Variants in OSMR observed in about 807,000 individuals in gnomAD.
The protein encoded by OSMR is oncostatin M receptor, also known as oncostatin-M-specific receptor subunit beta.
OSMR carries 81 observed loss-of-function variants against 99.9 expected under a neutral mutation model. That is an observed-to-expected ratio of 0.81 (90% confidence interval 0.68 to 0.97). OSMR has a LOEUF of 0.97. OSMR is among the 50% of genes least tolerant of loss of function. The pLI is 0.00. For missense variants in OSMR, 1,099 were observed against 1,153.4 expected, an observed-to-expected ratio of 0.95 and a Z score of 0.68; for synonymous variants, 406 against 410.4, an observed-to-expected ratio of 0.99 and a Z score of 0.13.
chr5:38,917,993 A>G (rs183091837), intron 10 of OSMR, among the ~76,000 whole-genome samples: 38 of 152,326 alleles, frequency 2.5e-4, no homozygotes, highest in African/African-American at 9.1e-4. Flanking sequence ...AAATTGTAAT[A>G]TAAAATAAAT....
At chr5:38,861,573 C>G (rs1741316529) in intron 1 of OSMR, among the ~76,000 whole-genome samples, 1 of 152,250 alleles carries the variant, frequency 6.6e-6, no homozygotes, top group Non-Finnish European at 1.5e-5. Flanking sequence ...CCACCTTTCC[C>G]CCCTCTCTAT....
intron 3 of OSMR, among the ~76,000 whole-genome samples, chr5:38,876,705 C>G (rs987622798): frequency 6.6e-6 from 1 of 152,196 alleles, no homozygotes; most frequent in Non-Finnish European, 1.5e-5. Context: ...CTACCTCTTT[C>G]TTCTCCGTCC....
intron 1 of OSMR, among the ~76,000 whole-genome samples, chr5:38,867,085 G>A (rs374730677): frequency 1.3e-5 from 2 of 151,914 alleles, no homozygotes; most frequent in Admixed American, 6.6e-5. Context: ...TGAGTGCCCC[G>A]TCCCTCTAGC....
chr5:38,902,372 C>G (rs1217627998), intron 7 of OSMR, among the ~76,000 whole-genome samples: 2 of 152,202 alleles, frequency 1.3e-5, no homozygotes, highest in African/African-American at 4.8e-5. Context: ...TGATAGGAAC[C>G]ATGGTCTCTG....
At chr5:38,878,966 C>T (rs999196218) in intron 3 of OSMR, among the ~76,000 whole-genome samples, 1 of 152,096 alleles carries the variant, frequency 6.6e-6, no homozygotes, top group Non-Finnish European at 1.5e-5. Flanking sequence ...AGGCATTGTG[C>T]GCAGTGTGGG....
intron 1 of OSMR, among the ~76,000 whole-genome samples, chr5:38,868,720 T>G (rs907440704): frequency 2.6e-5 from 4 of 152,306 alleles, no homozygotes; most frequent in South Asian, 4.1e-4. Context: ...ACTAATATAG[T>G]AGGGTAGCCC....
At chr5:38,927,492 T>G (rs890178488) in intron 15 of OSMR, among the ~76,000 whole-genome samples, 1 of 152,222 alleles carries the variant, frequency 6.6e-6, no homozygotes, top group Non-Finnish European at 1.5e-5. Flanking sequence ...CTGCCAAGGC[T>G]TGGGGCTTGC....
chr5:38,852,932 C>T (rs948433813), intron 1 of OSMR, among the ~76,000 whole-genome samples: 2 of 151,652 alleles, frequency 1.3e-5, no homozygotes, highest in Non-Finnish European at 1.5e-5. Flanking sequence ...GGGGTTTCAC[C>T]GTGTTAGCCA....
chr5:38,848,953 T>C (rs1188539206), intron 1 of OSMR, among the ~76,000 whole-genome samples: 1 of 152,038 alleles, frequency 6.6e-6, no homozygotes, highest in Non-Finnish European at 1.5e-5. Context: ...TTTTTTTGTA[T>C]TTTTTGTAAA....
chr5:38,863,719 T>C (rs112958630), intron 1 of OSMR, among the ~76,000 whole-genome samples: 4 of 152,334 alleles, frequency 2.6e-5, no homozygotes, highest in African/African-American at 9.6e-5. Flanking sequence ...TTGTTAATTT[T>C]CTGTCTAGAT....
At chr5:38,849,951 A>T (rs1344883684) in intron 1 of OSMR, among the ~76,000 whole-genome samples, 1 of 152,218 alleles carries the variant, frequency 6.6e-6, no homozygotes, top group Non-Finnish European at 1.5e-5. Context: ...TTAGTATCTT[A>T]TACATGCTAG....
At chr5:38,929,217 G>T (rs187637194) in intron 15 of OSMR, among the ~76,000 whole-genome samples, 1 of 152,222 alleles carries the variant, frequency 6.6e-6, no homozygotes. Flanking sequence ...GCAAAAAACA[G>T]AAATGCAAAA....
At chr5:38,911,795 G>T (rs1386346746) in intron 9 of OSMR, among the ~76,000 whole-genome samples, 1 of 152,084 alleles carries the variant, frequency 6.6e-6, no homozygotes, top group Non-Finnish European at 1.5e-5. Flanking sequence ...CACATAAACC[G>T]AACTAAAAAC....
chr5:38,932,442 C>A (rs1263918311), intron 16 of OSMR, 21 bp from the exon 17 acceptor site: 1 of 1,598,874 alleles, frequency 6.3e-7, no homozygotes, highest in Admixed American at 1.7e-5. Flanking sequence ...AATTCAGTCT[C>A]ATTTTCGCTT....
In OSMR at chr5:38,924,435, C is replaced by T. The variant is rs747890598; in HGVS notation, c.1884C>T (p.Asn628=). The stretch of plus-strand genomic sequence containing the variant: ...TTCTTTTCCTAGCTCCTTCAGACAA[C>T]CCTCACGTGCTGGTGGATACATTGA... ...GYSQELAPSD[N]PHVLVDTLTS... is the part of the protein sequence containing the mutation. The change falls in exon 14 of 18, where the codon AAC becomes AAT. Residue 628 remains asparagine (N), a synonymous_variant. Transcript: ENST00000274276. The T allele has an allele frequency of 6.2e-7, 1 of 1,614,134 alleles. No homozygotes were observed. The highest frequency in any genetic ancestry group is 8.5e-7 in the Non-Finnish European group (1 of 1,179,988).
chr5:38,914,121 T>C (rs1466272118), intron 9 of OSMR, among the ~76,000 whole-genome samples: 2 of 152,210 alleles, frequency 1.3e-5, no homozygotes, highest in African/African-American at 4.8e-5. Flanking sequence ...TTTCTAGGGC[T>C]TTAATAACAC....
At chr5:38,903,283 G>A (rs1328952370) in intron 7 of OSMR, among the ~76,000 whole-genome samples, 2 of 152,206 alleles carry the variant, frequency 1.3e-5, no homozygotes, top group African/African-American at 2.4e-5. Context: ...CCAAGGCTGC[G>A]GAGAGCTGCC....
At chr5:38,868,241 G>A (rs1742093145) in intron 1 of OSMR, among the ~76,000 whole-genome samples, 1 of 152,130 alleles carries the variant, frequency 6.6e-6, no homozygotes, top group Non-Finnish European at 1.5e-5. Flanking sequence ...TCTTTCACCT[G>A]GGGTCAGCTG....
At chr5:38,904,085 C>T in intron 8 of OSMR, 61 bp downstream of exon 8, 1 of 1,599,330 alleles carries the variant, frequency 6.3e-7, no homozygotes, top group Non-Finnish European at 8.5e-7. Context: ...AACAGAGACA[C>T]TGATGAATAA....
Sources: allele counts gnomAD v4.1 joint callset (sites outside exome capture counted in the v4.1 genomes callset), GRCh38; gene constraint gnomAD v4.1.1; transcripts MANE v1.5; gene names NCBI Gene and HGNC (gene_info 2026-07-23, HGNC 2026-07-21).